CSF2RA: variants seen among roughly 807,000 people sequenced by gnomAD.
CSF2RA encodes the protein colony stimulating factor 2 receptor subunit alpha.
In CSF2RA, 42 loss-of-function variants were observed where a neutral mutation model predicts 51.6. The observed-to-expected ratio is 0.81, with a 90% CI of 0.64 to 1.05. CSF2RA has a LOEUF of 1.05. Ranked by LOEUF, CSF2RA falls within the 50% of genes least tolerant of loss-of-function variation. The pLI is 0.00. For synonymous variants in CSF2RA, 222 were observed against 193.0 expected, an observed-to-expected ratio of 1.15 and a Z score of -1.24; for missense variants, 530 against 501.1, an observed-to-expected ratio of 1.06 and a Z score of -0.55.
chrX:1,292,856 C>G (rs1233787583), intron 7 of CSF2RA, among the ~76,000 whole-genome samples: 6 of 152,072 alleles, frequency 3.9e-5, no homozygotes, highest in African/African-American at 1.4e-4. Flanking sequence ...GGATGTCGGG[C>G]TGGGGGACGG....
chrX:1,273,765 G>GT (rs1213187802), intron 1 of CSF2RA, among the ~76,000 whole-genome samples: 28 of 25,822 alleles, frequency 1.1e-3, no homozygotes, highest in African/African-American at 3.3e-3. Flanking sequence ...TTTTTTTTTT[G>GT]TATTTTTTTT....
chrX:1,294,372 A>G lies in CSF2RA; in HGVS notation c.691A>G (p.Thr231Ala). ...PSNVTVRCNTTHCLVRWKQPR... is the reference protein window; with the variant it reads ...PSNVTVRCNTAHCLVRWKQPR... ...CAATGTCACCGTACGTTGCAACACG[A>G]CGCACTGCCTCGTACGGTGGAAACA... is the stretch of plus-strand genomic sequence containing the variant. Residue 231 changes from threonine (T) to alanine (A), a missense_variant, in exon 8 of 13, where the codon ACG (threonine) becomes GCG (alanine). By Grantham distance (58) the Thr-to-Ala change is moderately conservative (BLOSUM62 0). Transcript: ENST00000381529. The G allele has an allele frequency of 6.2e-7, 1 of 1,613,846 alleles. No individual in the cohort carries two copies. The highest frequency in any genetic ancestry group is 1.1e-5 in the South Asian group (1 of 91,060).
intron 7 of CSF2RA, 108 bp downstream of exon 7, chrX:1,290,617 C>A: frequency 8.6e-7 from 1 of 1,164,036 alleles, no homozygotes; most frequent in Non-Finnish European, 1.3e-6. Flanking sequence ...GTAATCTCAG[C>A]ACTTTGGGAG....
Position 1,282,660 on chromosome X carries a change from A to T in CSF2RA, c.-26-18A>T, listed in dbSNP as rs746595914. On this transcript the variant is annotated intron_variant, in intron 2 of 12. Transcript: ENST00000381529. The stretch of plus-strand genomic sequence containing the variant: ...GGAGAGGCAACCTTCTCACTGTGTG[A>T]TATTTTCTCTCCTGCAGCTCTTCCC... 1.9e-6 allele frequency: 3 copies of T among 1,552,940 alleles called. No individual in the cohort carries two copies. In the East Asian group the frequency reaches 6.7e-5, roughly 35 times the overall value.
intron 4 of CSF2RA, chrX:1,287,078 T>C (rs28485085): frequency 0.51 from 76,719 of 151,288 alleles, 19,615 homozygotes; most frequent in African/African-American, 0.56. Flanking sequence ...GGAAGATTGA[T>C]AATCAATTCT....
At chrX:1,282,220 A>G (rs1450399262) in intron 2 of CSF2RA, 1 of 177,812 alleles carries the variant, frequency 5.6e-6, no homozygotes, top group African/African-American at 2.4e-5. Context: ...AGAAAAAAAA[A>G]GTACAAAAGA....
At position 1,284,200 on chromosome X, in the gene CSF2RA, T is replaced by C. The variant is rs1354290197; in HGVS notation, c.76+1421T>C. Among the ~76,000 whole-genome samples, 171 of 91,992 alleles carry C rather than the reference T, an allele frequency of 1.9e-3. 6 individuals carry two copies. The highest frequency in any genetic ancestry group is 7.7e-3 in the South Asian group (19 of 2,476). 60.4% of individuals were successfully genotyped at this position (91,992 alleles called of 152,430 possible). On this transcript the variant is annotated intron_variant, in intron 3 of 12. Coordinates refer to ENST00000381529, the MANE Select transcript of CSF2RA (RefSeq NM_172245.4). ...GGTTTTCTTTCTCTGTCTCTCTTTT[T>C]TTTTTTTTTTTTTTTTTTTTTGAGA...
chrX:1,271,759 C>T (rs1388718993), intron 1 of CSF2RA, among the ~76,000 whole-genome samples: 4 of 151,750 alleles, frequency 2.6e-5, no homozygotes, highest in Non-Finnish European at 4.4e-5. Flanking sequence ...TCAAATGATC[C>T]GCTCACCTTG....
At chrX:1,314,317 CCACACTGCACCTG>C (rs2084344190), downstream of CSF2RA, among the ~76,000 whole-genome samples, 2 of 131,422 alleles carry the variant, frequency 1.5e-5, no homozygotes, top group African/African-American at 2.8e-5. Flanking sequence ...GCCTGCCCAA[CCACACTGCACCTG>C]CCCAACCCCA....
Position 1,307,865 on chromosome X carries a change from AC to A in CSF2RA, c.1126-1534del, listed in dbSNP as rs2083815639. On this transcript the variant is annotated intron_variant, in intron 12 of 12. Transcript: ENST00000381529. ...ACCTTTGACTGATTAGATGAGGCCT[AC>A]CCTTCTCCCTTTAGACCTTTGACTG... 3.2e-5 allele frequency among the ~76,000 whole-genome samples: 4 copies of A among 126,612 alleles called. 1 individual carries two copies. Among genetic ancestry groups the A allele is most frequent in the East Asian group, 2.3e-4 (1 of 4,278 alleles). The allele number at this position is 126,612 out of a possible 152,430, so 83.1% of individuals were successfully genotyped here. A position where few individuals can be genotyped will look rare whatever the true frequency, so the allele number is the denominator to read the frequency against.
At chrX:1,301,862 T>C (rs1308086481) in intron 10 of CSF2RA, among the ~76,000 whole-genome samples, 1 of 147,698 alleles carries the variant, frequency 6.8e-6, no homozygotes, top group Non-Finnish European at 1.5e-5. Flanking sequence ...CACCTCGGCC[T>C]CCCAAAGTGC....
At chrX:1,323,081 A>T in the CSF2RA span, among the ~76,000 whole-genome samples, 1 of 151,888 alleles carries the variant, frequency 6.6e-6, no homozygotes, top group Non-Finnish European at 1.5e-5. Context: ...GTGAGCCGAG[A>T]TCGCGCCACC....
At chrX:1,322,852 G>A in the CSF2RA span, among the ~76,000 whole-genome samples, 5 of 152,024 alleles carry the variant, frequency 3.3e-5, no homozygotes, top group East Asian at 5.8e-4. Flanking sequence ...AAGATTGGCC[G>A]GGCGCGGTGG....
chrX:1,285,960 C>T (rs1213500320), intron 4 of CSF2RA, 40 bp downstream of exon 4: 9 of 1,613,232 alleles, frequency 5.6e-6, no homozygotes, highest in South Asian at 2.2e-5. Flanking sequence ...GTCCTTTACA[C>T]ACCCCTTTCT....
chrX:1,275,622 G>C (rs1429373175), intron 2 of CSF2RA, among the ~76,000 whole-genome samples: 1 of 151,518 alleles, frequency 6.6e-6, no homozygotes. Context: ...GCAGTGGCGC[G>C]ATCTCGGCTC....
chrX:1,280,986 C>T (rs2089916180), intron 2 of CSF2RA, among the ~76,000 whole-genome samples: 3 of 129,484 alleles, frequency 2.3e-5, no homozygotes, highest in East Asian at 2.5e-4. Context: ...GCTTCTCCTC[C>T]TCCTCCTTCT....
chrX:1,314,939 C>A (rs2084489903), downstream of CSF2RA, among the ~76,000 whole-genome samples: 1 of 107,100 alleles, frequency 9.3e-6, no homozygotes, highest in African/African-American at 3.7e-5. Context: ...ACTGCACTTG[C>A]CCAACCCCTC....
chrX:1,271,595 T>C (rs111583432), intron 1 of CSF2RA, among the ~76,000 whole-genome samples: 295 of 149,096 alleles, frequency 2.0e-3, no homozygotes, highest in Non-Finnish European at 3.4e-3. Context: ...CGGCTCACTG[T>C]AACCTCCGCC....
At chrX:1,281,507 CCTT>C (rs1242410030) in intron 2 of CSF2RA, among the ~76,000 whole-genome samples, 42 of 150,226 alleles carry the variant, frequency 2.8e-4, no homozygotes, top group Non-Finnish European at 4.9e-4. Flanking sequence ...TCCTACTCCT[CCTT>C]CTCTTCCTTC....
Sources: allele counts gnomAD v4.1 joint callset (sites outside exome capture counted in the v4.1 genomes callset), GRCh38; gene constraint gnomAD v4.1.1; transcripts MANE v1.5; gene names NCBI Gene and HGNC (gene_info 2026-07-23, HGNC 2026-07-21).